Variants in WWOX observed in about 807,000 individuals in gnomAD.
WWOX encodes the protein WW domain-containing oxidoreductase.
A neutral mutation model predicts 46.2 loss-of-function variants in WWOX; 69 were observed. The ratio of observed to expected loss-of-function variants is 1.49; its 90% CI spans 1.23 to 1.82. The LOEUF is 1.82. Among genes scored for constraint, WWOX ranks in the 40% most tolerant of loss-of-function variants. The pLI is 0.00. For synonymous variants in WWOX, 359 were observed against 202.6 expected (o/e 1.77, Z -6.56); for missense variants, 919 against 542.6 (o/e 1.69, Z -6.89).
At chr16:78,371,880 C>A (rs576779291) in intron 5 of WWOX, among the ~76,000 whole-genome samples, 73 of 152,216 alleles carry the variant, frequency 4.8e-4, no homozygotes, top group African/African-American at 1.7e-3. Context: ...GCTGCTAGGA[C>A]AAAATATTTT....
At chr16:78,979,138 A>T (rs1295567759) in intron 8 of WWOX, among the ~76,000 whole-genome samples, 3 of 150,622 alleles carry the variant, frequency 2.0e-5, no homozygotes, top group African/African-American at 7.4e-5. Flanking sequence ...TTCCTCTCGA[A>T]TATCACTTGG....
At chr16:78,379,111 G>C (rs2081896275) in intron 5 of WWOX, among the ~76,000 whole-genome samples, 1 of 152,168 alleles carries the variant, frequency 6.6e-6, no homozygotes, top group South Asian at 2.1e-4. Flanking sequence ...AGATGCTTCA[G>C]AAGATATTTG....
chr16:78,607,155 A>G (rs113073997), intron 8 of WWOX, among the ~76,000 whole-genome samples: 6 of 152,320 alleles, frequency 3.9e-5, no homozygotes, highest in African/African-American at 9.6e-5. Flanking sequence ...ACAAAATGAG[A>G]AAACAGAAAA....
chr16:78,542,345 A>G (rs893316155), intron 8 of WWOX, among the ~76,000 whole-genome samples: 1 of 152,174 alleles, frequency 6.6e-6, no homozygotes, highest in Non-Finnish European at 1.5e-5. Context: ...GCTGGAGAAC[A>G]TCATGTAGAA....
In WWOX at chr16:79,211,901, A is replaced by AAGAGT; in HGVS notation, c.*107_*111dup. On this transcript the variant is annotated 3_prime_UTR_variant, in exon 9 of 9. Coordinates refer to ENST00000566780, the MANE Select transcript of WWOX (RefSeq NM_016373.4). ...AAATGTCCCTCCAACACAGATCCGCAAGAGTAAAGGAAATAAGAGCAGTCA... is the reference window on the plus strand; with the variant it reads ...AAATGTCCCTCCAACACAGATCCGCAAGAGTAGAGTAAAGGAAATAAGAGCAGTCA... 1.9e-6 allele frequency: 3 copies of AAGAGT among 1,558,606 alleles called. No homozygotes were observed. The highest frequency in any genetic ancestry group is 2.4e-5 in the East Asian group (1 of 42,050).
chr16:78,527,413 G>A (rs1164444310), intron 8 of WWOX, among the ~76,000 whole-genome samples: 3 of 151,524 alleles, frequency 2.0e-5, no homozygotes, highest in African/African-American at 7.3e-5. Flanking sequence ...CCTGCCTTGG[G>A]CCCCTGAGTA....
intron 8 of WWOX, among the ~76,000 whole-genome samples, chr16:78,931,116 G>A (rs1373294381): frequency 6.6e-6 from 1 of 152,134 alleles, no homozygotes; most frequent in Non-Finnish European, 1.5e-5. Flanking sequence ...TTTAGTGAAA[G>A]CAAAATAAAA....
At chr16:78,728,472 G>A (rs2048888905) in intron 8 of WWOX, among the ~76,000 whole-genome samples, 4 of 152,204 alleles carry the variant, frequency 2.6e-5, no homozygotes. Flanking sequence ...CTAGAAGACA[G>A]CCAGATTCTC....
chr16:78,848,086 C>A (rs1277034521), intron 8 of WWOX, among the ~76,000 whole-genome samples: 1 of 152,186 alleles, frequency 6.6e-6, no homozygotes, highest in African/African-American at 2.4e-5. Flanking sequence ...TGACCCCAGA[C>A]ACACCAGAGA....
intron 8 of WWOX, among the ~76,000 whole-genome samples, chr16:78,779,450 T>G (rs1376096472): frequency 6.6e-6 from 1 of 152,190 alleles, no homozygotes; most frequent in Non-Finnish European, 1.5e-5. Flanking sequence ...TTTCTTCTTT[T>G]TTAAAGTGGG....
chr16:78,570,557 T>G (rs1442622664), intron 8 of WWOX, among the ~76,000 whole-genome samples: 3 of 152,036 alleles, frequency 2.0e-5, no homozygotes, highest in Admixed American at 2.0e-4. Flanking sequence ...CAAGTGATCC[T>G]CCCGCCTCTG....
chr16:78,849,223 G>A (rs1443212800), intron 8 of WWOX, among the ~76,000 whole-genome samples: 1 of 152,184 alleles, frequency 6.6e-6, no homozygotes, highest in Admixed American at 6.5e-5. Flanking sequence ...CTTTGGGCAT[G>A]TTGCTACAGA....
At chr16:78,578,561 T>G (rs1189175483) in intron 8 of WWOX, among the ~76,000 whole-genome samples, 1 of 151,856 alleles carries the variant, frequency 6.6e-6, no homozygotes, top group Non-Finnish European at 1.5e-5. Flanking sequence ...GTGCTGGGAT[T>G]ACAGGCGTGA....
intron 5 of WWOX, among the ~76,000 whole-genome samples, chr16:78,257,477 C>G (rs556151824): frequency 1.2e-4 from 19 of 152,232 alleles, no homozygotes; most frequent in African/African-American, 4.3e-4. Context: ...TTGAGTGACA[C>G]AAGACTCTTT....
At chr16:78,553,043 G>C (rs1463883496) in intron 8 of WWOX, 5 of 152,174 alleles carry the variant, frequency 3.3e-5, no homozygotes, top group Admixed American at 3.3e-4. Flanking sequence ...ACCAAATACC[G>C]CATGGTGTCA....
intron 8 of WWOX, among the ~76,000 whole-genome samples, chr16:78,995,772 C>T (rs957194656): frequency 1.3e-5 from 2 of 152,132 alleles, no homozygotes; most frequent in African/African-American, 4.8e-5. Context: ...CTGCAATTTA[C>T]TGTCTTTTAT....
intron 5 of WWOX, among the ~76,000 whole-genome samples, chr16:78,313,035 A>G (rs1205436848): frequency 6.6e-6 from 1 of 152,202 alleles, no homozygotes; most frequent in Admixed American, 6.5e-5. Context: ...GTGTCCTACT[A>G]ACACCAGACA....
chr16:78,774,488 G>C (rs1348337776), intron 8 of WWOX, among the ~76,000 whole-genome samples: 2 of 148,106 alleles, frequency 1.4e-5, no homozygotes, highest in South Asian at 2.2e-4. Flanking sequence ...TTTCTTGACA[G>C]ACCCATTTTG....
intron 6 of WWOX, among the ~76,000 whole-genome samples, chr16:78,394,510 T>G (rs1269491767): frequency 6.6e-6 from 1 of 152,240 alleles, no homozygotes; most frequent in African/African-American, 2.4e-5. Flanking sequence ...TGAAACTTTT[T>G]CAGCATTCAG....
Sources: allele counts gnomAD v4.1 joint callset (sites outside exome capture counted in the v4.1 genomes callset), GRCh38; gene constraint gnomAD v4.1.1; transcripts MANE v1.5; gene names NCBI Gene and HGNC (gene_info 2026-07-23, HGNC 2026-07-21).